The following GATAD2B variants were observed in gnomAD, a reference collection of about 807,000 sequenced individuals.
GATAD2B encodes transcriptional repressor p66-beta.
A neutral mutation model predicts 64.3 loss-of-function variants in GATAD2B; 8 were observed. The ratio of observed to expected loss-of-function variants is 0.12; its 90% CI spans 0.07 to 0.22. The LOEUF (loss-of-function observed/expected upper bound fraction) is 0.22. GATAD2B is among the 10% of genes least tolerant of loss of function. The pLI is 1.00. For synonymous variants in GATAD2B, 281 were observed against 271.3 expected, an observed-to-expected ratio of 1.04 and a Z score of -0.35; for missense variants, 453 against 752.0, an observed-to-expected ratio of 0.60 and a Z score of 4.65.
intron 1 of GATAD2B, among the ~76,000 whole-genome samples, chr1:153,905,510 C>T (rs1677896876): frequency 7.3e-6 from 1 of 137,788 alleles, no homozygotes; most frequent in African/African-American, 2.7e-5. Flanking sequence ...TCCTAAAATT[C>T]ATATGGCATC....
intron 2 of GATAD2B, among the ~76,000 whole-genome samples, chr1:153,824,612 TA>T (rs771879855): frequency 0.12 from 12,026 of 96,436 alleles, 881 homozygotes; most frequent in East Asian, 0.47. Flanking sequence ...ACTCTGCCTT[TA>T]AAAAAAAAAA....
intron 1 of GATAD2B, among the ~76,000 whole-genome samples, chr1:153,883,332 G>A (rs1210393147): frequency 3.3e-5 from 5 of 152,120 alleles, no homozygotes; most frequent in African/African-American, 1.2e-4. Flanking sequence ...ACTGGCCACT[G>A]GCATAAGAAA....
At chr1:153,914,286 A>G (rs12032914) in intron 1 of GATAD2B, among the ~76,000 whole-genome samples, 39,672 of 150,614 alleles carry the variant, frequency 0.26, 5,895 homozygotes, top group Admixed American at 0.38. Flanking sequence ...GTGTAAACAC[A>G]TAATGATTAA....
chr1:153,882,563 T>C (rs1037822458), intron 1 of GATAD2B, among the ~76,000 whole-genome samples: 4 of 152,226 alleles, frequency 2.6e-5, no homozygotes, highest in African/African-American at 9.6e-5. Context: ...ATGCATTCTT[T>C]AAAAACAGCT....
At chr1:153,833,828 A>G (rs865880653) in intron 1 of GATAD2B, among the ~76,000 whole-genome samples, 51 of 145,566 alleles carry the variant, frequency 3.5e-4, no homozygotes, top group East Asian at 1.7e-3. Context: ...AAAAAAAAAA[A>G]AAAGAAAAAA....
chr1:153,919,309 A>G (rs1678359379), intron 1 of GATAD2B, among the ~76,000 whole-genome samples: 1 of 152,222 alleles, frequency 6.6e-6, no homozygotes, highest in African/African-American at 2.4e-5. Flanking sequence ...TTACCAAGCC[A>G]CCATCTAAAT....
At chr1:153,861,014 G>T (rs1676262258) in intron 1 of GATAD2B, among the ~76,000 whole-genome samples, 1 of 152,136 alleles carries the variant, frequency 6.6e-6, no homozygotes, top group Admixed American at 6.6e-5. Context: ...GGCTTTAAAG[G>T]TCTCTGTCTC....
intron 1 of GATAD2B, among the ~76,000 whole-genome samples, chr1:153,854,658 G>A (rs1676018700): frequency 6.6e-6 from 1 of 152,172 alleles, no homozygotes; most frequent in South Asian, 2.1e-4. Flanking sequence ...TGAAATAGCA[G>A]AAGTGTTTTA....
At chr1:153,892,470 C>A (rs765828667) in intron 1 of GATAD2B, among the ~76,000 whole-genome samples, 2 of 152,068 alleles carry the variant, frequency 1.3e-5, no homozygotes, top group Non-Finnish European at 2.9e-5. Flanking sequence ...AGCATCATCA[C>A]TCACCTAGAA....
chr1:153,836,201 AG>A (rs940772401), intron 1 of GATAD2B, among the ~76,000 whole-genome samples: 54 of 151,552 alleles, frequency 3.6e-4, no homozygotes, highest in Non-Finnish European at 5.0e-4. Context: ...GTGACACAAG[AG>A]GATCATTGGA....
intron 1 of GATAD2B, among the ~76,000 whole-genome samples, chr1:153,899,656 T>C (rs1436129432): frequency 6.6e-6 from 1 of 152,000 alleles, no homozygotes; most frequent in Non-Finnish European, 1.5e-5. Flanking sequence ...CAAAGACAAC[T>C]GTTTTTTTTG....
chr1:153,824,527 G>A (rs1027525554), intron 2 of GATAD2B, among the ~76,000 whole-genome samples: 15 of 146,748 alleles, frequency 1.0e-4, no homozygotes, highest in Admixed American at 1.4e-4. Context: ...CAGGAGAATC[G>A]CTTGAACCCA....
intron 1 of GATAD2B, among the ~76,000 whole-genome samples, chr1:153,922,190 AC>A (rs891235959): frequency 4.0e-5 from 6 of 150,280 alleles, no homozygotes; most frequent in African/African-American, 1.5e-4. Flanking sequence ...TGCTTCCTTT[AC>A]CCTTAGATTC....
At chr1:153,900,909 A>G (rs1571001000) in intron 1 of GATAD2B, among the ~76,000 whole-genome samples, 1 of 152,286 alleles carries the variant, frequency 6.6e-6, no homozygotes, top group East Asian at 1.9e-4. Context: ...TTTTTTTTCA[A>G]TCATTTAAAA....
chr1:153,914,942 G>A (rs988533228), intron 1 of GATAD2B, among the ~76,000 whole-genome samples: 3 of 151,918 alleles, frequency 2.0e-5, no homozygotes, highest in African/African-American at 7.3e-5. Flanking sequence ...AAAAAAAAAA[G>A]GCCAGGAGCA....
chr1:153,883,961 A>C (rs1484993810), intron 1 of GATAD2B, among the ~76,000 whole-genome samples: 2 of 151,938 alleles, frequency 1.3e-5, no homozygotes, highest in Non-Finnish European at 2.9e-5. Context: ...CTCACCCAAA[A>C]CCAAAGTACT....
At chr1:153,898,091 T>C (rs963213470) in intron 1 of GATAD2B, among the ~76,000 whole-genome samples, 1 of 149,348 alleles carries the variant, frequency 6.7e-6, no homozygotes, top group African/African-American at 2.5e-5. Flanking sequence ...ATCGCTTCAG[T>C]CCAGGAGTCT....
At chr1:153,849,348 A>T (rs1460674122) in intron 1 of GATAD2B, among the ~76,000 whole-genome samples, 2 of 152,236 alleles carry the variant, frequency 1.3e-5, no homozygotes, top group African/African-American at 4.8e-5. Flanking sequence ...CTAACAACTT[A>T]ATCACTTCTT....
At chr1:153,849,544 G>C (rs1189200318) in intron 1 of GATAD2B, among the ~76,000 whole-genome samples, 2 of 152,202 alleles carry the variant, frequency 1.3e-5, no homozygotes, top group African/African-American at 2.4e-5. Context: ...AACACTTGGA[G>C]TCATTCTTAG....
Sources: allele counts gnomAD v4.1 joint callset (sites outside exome capture counted in the v4.1 genomes callset), GRCh38; gene constraint gnomAD v4.1.1; transcripts MANE v1.5; gene names NCBI Gene and HGNC (gene_info 2026-07-23, HGNC 2026-07-21).